The following LPIN2 variants were observed in gnomAD, a reference collection of about 807,000 sequenced individuals.
LPIN2 encodes lipin 2, also known as phosphatidate phosphatase LPIN2.
LPIN2 carries 55 observed loss-of-function variants against 111.4 expected under a neutral mutation model. The ratio of observed to expected loss-of-function variants is 0.49; its 90% CI spans 0.40 to 0.62. The LOEUF is 0.62. Among genes scored for constraint, LPIN2 ranks in the 20% least tolerant of loss-of-function variants. LPIN2 has a pLI of 0.00. For synonymous variants in LPIN2, 425 were observed against 414.0 expected (o/e 1.03, Z -0.32); for missense variants, 992 against 1,112.1 (o/e 0.89, Z 1.54).
chr18:2,944,082 A>C (rs2077407593), intron 4 of LPIN2, among the ~76,000 whole-genome samples: 1 of 151,954 alleles, frequency 6.6e-6, no homozygotes, highest in South Asian at 2.1e-4. Context: ...TCTGGCCTTC[A>C]GAATATTTCC....
Position 2,954,531 on chromosome 18 carries a change from GAAAGC to G in LPIN2, c.256_260del (p.Ala86LeufsTer3). The G allele has an allele frequency of 6.2e-7, 1 of 1,613,934 alleles. No homozygotes were observed. The highest frequency in any genetic ancestry group is 8.5e-7 in the Non-Finnish European group (1 of 1,179,812). Reference sequence around the variant, plus strand: ...ATTCTTCTTCAGTCTCCTCAACAAAGAAAGCTTCTCCGTTATCACCCAACTTCATG... The same window carrying G: ...ATTCTTCTTCAGTCTCCTCAACAAAGTTCTCCGTTATCACCCAACTTCATG... On this transcript the variant is annotated frameshift_variant, in exon 3 of 20. Transcript: ENST00000677752. LOFTEE classifies it high-confidence loss of function.
chr18:2,960,262 G>T (rs1008461793), intron 2 of LPIN2, among the ~76,000 whole-genome samples: 1 of 150,542 alleles, frequency 6.6e-6, no homozygotes, highest in African/African-American at 2.4e-5. Flanking sequence ...TAGTATGAAG[G>T]TATTAGCCTA....
At chr18:2,928,697 G>T in intron 10 of LPIN2, 37 bp from the exon 11 acceptor site, 3 of 1,480,386 alleles carry the variant, frequency 2.0e-6, no homozygotes, top group East Asian at 4.5e-5. Flanking sequence ...CCATTACACA[G>T]TGAAAGTGAG....
intron 4 of LPIN2, chr18:2,945,617 T>TG: frequency 6.6e-7 from 1 of 1,525,232 alleles, no homozygotes; most frequent in Non-Finnish European, 9.1e-7. Context: ...GCCCACTGCA[T>TG]CGGTTCAGCT....
intron 2 of LPIN2, among the ~76,000 whole-genome samples, chr18:2,958,171 A>AC (rs2077650354): frequency 2.1e-5 from 3 of 146,284 alleles, no homozygotes; most frequent in East Asian, 4.0e-4. Flanking sequence ...CAAAAAAAAA[A>AC]AACAGAAAAA....
At position 2,938,021 on chromosome 18, in the gene LPIN2, C is replaced by A; in HGVS notation, c.839G>T (p.Arg280Leu). Reference protein sequence around the residue: ...PESTKVSKRERSDHHPRTATI... With the variant: ...PESTKVSKRELSDHHPRTATI... ...AGCTGTCCTAGGATGATGGTCAGAT[C>A]GTTCTCTTTTGCTGACCTAAAAAAG... The change falls in exon 7 of 20, where the codon CGA becomes CTA. Residue 280 changes from arginine (R) to leucine (L), a missense_variant. By Grantham distance (102) the Arg-to-Leu change is moderately radical. Transcript: ENST00000677752. The A allele has an allele frequency of 6.2e-7, 1 of 1,613,780 alleles. No individual in the cohort carries two copies. Among genetic ancestry groups the A allele is most frequent in the African/African-American group, 1.3e-5 (1 of 75,024 alleles).
At chr18:2,978,642 T>A (rs1372756678) in intron 1 of LPIN2, among the ~76,000 whole-genome samples, 1 of 152,244 alleles carries the variant, frequency 6.6e-6, no homozygotes, top group Non-Finnish European at 1.5e-5. Context: ...AAGAAGAATC[T>A]GAATAAAGTC....
intron 1 of LPIN2, among the ~76,000 whole-genome samples, chr18:2,969,651 T>C (rs1181108044): frequency 6.6e-6 from 1 of 152,198 alleles, no homozygotes; most frequent in African/African-American, 2.4e-5. Context: ...AAGCAAGTTT[T>C]GGTGCTTAAG....
chr18:2,920,533 A>C (rs2077038038), intron 19 of LPIN2, 96 bp from the exon 20 acceptor site: 2 of 1,366,234 alleles, frequency 1.5e-6, no homozygotes, highest in Admixed American at 3.5e-5. Flanking sequence ...CAGATTGCTC[A>C]GGTGGGCAGG....
chr18:2,978,133 G>C (rs2078050225), intron 1 of LPIN2, among the ~76,000 whole-genome samples: 1 of 151,994 alleles, frequency 6.6e-6, no homozygotes, highest in East Asian at 1.9e-4. Context: ...GCTGAAGTGA[G>C]CCAAGACTGC....
At chr18:2,962,663 G>A (rs1022241923) in intron 1 of LPIN2, among the ~76,000 whole-genome samples, 1 of 152,116 alleles carries the variant, frequency 6.6e-6, no homozygotes, top group African/African-American at 2.4e-5. Flanking sequence ...AACACAGCTA[G>A]ATCTCATGCA....
chr18:2,927,724 G>A lies in LPIN2; in HGVS notation c.1708C>T (p.Gln570Ter). The change falls in exon 12 of 20, where the codon CAG (glutamine) becomes TAG (stop). Residue 570 changes from glutamine (Q) to a stop codon, truncating the protein, a stop_gained and splice_region_variant. Coordinates refer to ENST00000677752, the MANE Select transcript of LPIN2 (RefSeq NM_001375808.2). LOFTEE classifies it high-confidence loss of function. ...ACAATGACCTCTAGGTCTGTTACCT[G>A]TTTGGTCATGCTTTCTCTCTTTCGC... ...FWRKRESMTK[Q>*]LPESKEGKSE... The A allele has an allele frequency of 6.2e-7, 1 of 1,614,024 alleles. No individual in the cohort carries two copies. The highest frequency in any genetic ancestry group is 8.5e-7 in the Non-Finnish European group (1 of 1,179,882).
chr18:2,920,254 G>T lies in LPIN2; in HGVS notation c.*39C>A, dbSNP rs1178251388. On this transcript the variant is annotated 3_prime_UTR_variant, in exon 20 of 20. Coordinates refer to ENST00000677752, the MANE Select transcript of LPIN2 (RefSeq NM_001375808.2). The stretch of plus-strand genomic sequence containing the variant: ...GCCAGCTGCCTTCCCTTGCTGTGGG[G>T]AGGGGGACCAAGCCCTGCCCACCCA... 6.2e-7 allele frequency: 1 copy of T among 1,613,430 alleles called. No homozygotes were observed. Among genetic ancestry groups the T allele is most frequent in the Non-Finnish European group, 8.5e-7 (1 of 1,179,702 alleles).
chr18:2,951,175 C>G lies in LPIN2; in HGVS notation c.470G>C (p.Arg157Pro). 1 of 1,614,100 alleles carries G rather than the reference C, an allele frequency of 6.2e-7. No individual in the cohort carries two copies. ...GTCCTGTTTGTATTTCTTTCTCCTTCGTTTTTTCTTTTTCACAGAACTTGG... is the reference window on the plus strand; with the variant it reads ...GTCCTGTTTGTATTTCTTTCTCCTTGGTTTTTTCTTTTTCACAGAACTTGG... ...FTPSSVKKKKRRRKKYKQDSK... is the reference protein window; with the variant it reads ...FTPSSVKKKKPRRKKYKQDSK... The change falls in exon 4 of 20, where the codon CGA becomes CCA. Residue 157 changes from arginine (R) to proline (P), a missense_variant. Transcript: ENST00000677752.
rs576452331 is a variant in LPIN2 at position 2,946,169 on chromosome 18, G to A, written c.590+4886C>T. 23 of 1,610,148 alleles carry A rather than the reference G, an allele frequency of 1.4e-5. No individual in the cohort carries two copies. In the African/African-American group the frequency reaches 2.8e-4, roughly 20 times the overall value. On this transcript the variant is annotated intron_variant, in intron 4 of 19. Coordinates refer to ENST00000677752, the MANE Select transcript of LPIN2 (RefSeq NM_001375808.2). ...TTTATCAAGTGCTTGTTTTAGGGAG[G>A]CAGATATTTTTAATTCCAAATTTGT... is the stretch of plus-strand genomic sequence containing the variant.
At chr18:2,937,037 A>T (rs2077296661) in intron 7 of LPIN2, among the ~76,000 whole-genome samples, 1 of 152,112 alleles carries the variant, frequency 6.6e-6, no homozygotes, top group African/African-American at 2.4e-5. Context: ...CTCTATTCTA[A>T]TTTTTTAAGA....
At chr18:3,008,958 C>T (rs1403253345) in intron 1 of LPIN2, among the ~76,000 whole-genome samples, 1 of 150,052 alleles carries the variant, frequency 6.7e-6, no homozygotes, top group African/African-American at 2.5e-5. Flanking sequence ...GCTCAGGCCT[C>T]ATACCCACTT....
At chr18:2,984,343 C>T (rs1377461181) in intron 1 of LPIN2, among the ~76,000 whole-genome samples, 1 of 152,156 alleles carries the variant, frequency 6.6e-6, no homozygotes, top group African/African-American at 2.4e-5. Flanking sequence ...ATCATGTACA[C>T]AAACTCCTAC....
chr18:2,981,400 C>T (rs681869), intron 1 of LPIN2, among the ~76,000 whole-genome samples: 96,491 of 152,122 alleles, frequency 0.63, 32,258 homozygotes, highest in East Asian at 0.84. Flanking sequence ...AATGTTCTAA[C>T]GGCAACATAA....
Sources: gnomAD v4.1 joint callset for allele counts (sites outside exome capture counted in the v4.1 genomes callset) on GRCh38, gnomAD v4.1.1 for gene constraint, MANE v1.5 for transcripts, NCBI Gene and HGNC (gene_info 2026-07-23, HGNC 2026-07-21) for gene names.